Variants in ADAD1 observed in about 807,000 individuals in gnomAD.
The protein encoded by ADAD1 is adenosine deaminase domain-containing protein 1.
Under a neutral mutation model 66.8 loss-of-function variants are expected in ADAD1, and 46 were observed. The observed-to-expected ratio is 0.69, with a 90% CI of 0.54 to 0.88. The LOEUF (loss-of-function observed/expected upper bound fraction) is 0.88. Ranked by LOEUF, ADAD1 falls within the 40% of genes least tolerant of loss-of-function variation. The pLI is 0.00. For synonymous variants in ADAD1, 248 were observed against 229.4 expected, an observed-to-expected ratio of 1.08 and a Z score of -0.73; for missense variants, 617 against 681.8, an observed-to-expected ratio of 0.91 and a Z score of 1.06.
intron 7 of ADAD1, among the ~76,000 whole-genome samples, chr4:122,403,725 G>A (rs989756349): frequency 2.6e-5 from 4 of 152,102 alleles, no homozygotes; most frequent in Non-Finnish European, 5.9e-5. Flanking sequence ...GGTTTCTCTG[G>A]CAGTGGATGG....
At chr4:122,413,057 T>C (rs1180341933) in intron 10 of ADAD1, among the ~76,000 whole-genome samples, 1 of 152,042 alleles carries the variant, frequency 6.6e-6, no homozygotes, top group Admixed American at 6.6e-5. Context: ...ACCGTCCAGC[T>C]GGATAAGGAA....
Position 122,402,635 on chromosome 4 carries a change from A to G in ADAD1, c.725-5273A>G, listed in dbSNP as rs114768411. Among the ~76,000 whole-genome samples the G allele has an allele frequency of 6.3e-3, 962 of 151,954 alleles. 10 individuals carry two copies. The highest frequency in any genetic ancestry group is 0.044 in the East Asian group (227 of 5,176). The stretch of plus-strand genomic sequence containing the variant: ...CTTCTTCCTCAAGAACACCATAGTT[A>G]TTATGTTTAGTCATTTAACATAATC... On this transcript the variant is annotated intron_variant, in intron 7 of 12. Transcript: ENST00000296513.
intron 3 of ADAD1, 94 bp downstream of exon 3, chr4:122,380,335 G>T (rs1794831949): frequency 6.3e-6 from 9 of 1,438,368 alleles, no homozygotes; most frequent in Non-Finnish European, 6.6e-6. Context: ...AAGGTTTCGT[G>T]GTTGTATAGA....
At chr4:122,425,630 A>C (rs1797197474) in intron 12 of ADAD1, among the ~76,000 whole-genome samples, 1 of 151,850 alleles carries the variant, frequency 6.6e-6, no homozygotes, top group African/African-American at 2.4e-5. Flanking sequence ...CAAAAATAAA[A>C]ATAATACAAA....
intron 12 of ADAD1, 114 bp downstream of exon 12, chr4:122,421,504 A>G: frequency 1.0e-6 from 1 of 999,508 alleles, no homozygotes; most frequent in Admixed American, 3.5e-5. Flanking sequence ...TGAATATAAG[A>G]TATTACCAGG....
intron 7 of ADAD1, among the ~76,000 whole-genome samples, chr4:122,404,542 CAG>C (rs1322161599): frequency 6.6e-6 from 1 of 152,164 alleles, no homozygotes; most frequent in East Asian, 1.9e-4. Context: ...AGCTGTCTCA[CAG>C]AGTTTGCAAT....
intron 12 of ADAD1, among the ~76,000 whole-genome samples, chr4:122,425,227 T>C (rs1797176310): frequency 6.6e-6 from 1 of 152,110 alleles, no homozygotes; most frequent in Admixed American, 6.5e-5. Context: ...GAAAACACTC[T>C]ACACAACAGC....
chr4:122,421,368 C>G lies in ADAD1; in HGVS notation c.1595C>G (p.Ala532Gly). ...AKEAKKELLE[A>G]GTYHAAKCMS... ...GAAGCTAAAAAAGAATTACTTGAAG[C>G]TGGTACATATCATGCAGCTAAGGTA... Residue 532 changes from alanine to glycine, a missense_variant, in exon 12 of 13, where the codon GCT becomes GGT. Physicochemically the swap from Ala to Gly is moderately conservative, Grantham distance 60. Transcript: ENST00000296513. The G allele has an allele frequency of 6.3e-7, 1 of 1,599,512 alleles. No individual in the cohort carries two copies. The highest frequency in any genetic ancestry group is 1.1e-5 in the South Asian group (1 of 89,096).
At chr4:122,422,474 G>T (rs1797047100) in intron 12 of ADAD1, among the ~76,000 whole-genome samples, 1 of 152,072 alleles carries the variant, frequency 6.6e-6, no homozygotes, top group African/African-American at 2.4e-5. Context: ...AATGTAAATT[G>T]TTTTGCTATC....
intron 5 of ADAD1, among the ~76,000 whole-genome samples, chr4:122,391,717 T>G (rs1207593427): frequency 6.6e-6 from 1 of 152,184 alleles, no homozygotes; most frequent in African/African-American, 2.4e-5. Context: ...GTTTGTTTTT[T>G]GTTTTTTGTT....
chr4:122,394,576 GC>G (rs1197376758), intron 6 of ADAD1, among the ~76,000 whole-genome samples: 1 of 152,164 alleles, frequency 6.6e-6, no homozygotes, highest in Non-Finnish European at 1.5e-5. Context: ...GGGAAAATAG[GC>G]CCATTCAAAA....
intron 7 of ADAD1, among the ~76,000 whole-genome samples, chr4:122,405,219 A>G (rs1043275397): frequency 1.3e-5 from 2 of 152,188 alleles, no homozygotes; most frequent in Non-Finnish European, 2.9e-5. Context: ...TGAATAATAT[A>G]TCTTTGCTTT....
At position 122,401,152 on chromosome 4, in the gene ADAD1, C is replaced by T. The variant is rs541559101; in HGVS notation, c.724+4775C>T. On this transcript the variant is annotated intron_variant, in intron 7 of 12. Coordinates refer to ENST00000296513, the MANE Select transcript of ADAD1 (RefSeq NM_139243.4). ...TAGGCATTTAATGCTATGAACTTCC[C>T]GCTTAGCACCCCTTTTGCTGTATCC... is the stretch of plus-strand genomic sequence containing the variant. 8.5e-5 allele frequency among the ~76,000 whole-genome samples: 13 copies of T among 152,162 alleles called. No individual in the cohort carries two copies. In the South Asian group the frequency reaches 1.2e-3, roughly 15 times the overall value.
chr4:122,393,985 A>G (rs1354430624), intron 6 of ADAD1, among the ~76,000 whole-genome samples: 1 of 152,088 alleles, frequency 6.6e-6, no homozygotes, highest in Non-Finnish European at 1.5e-5. Flanking sequence ...AGGTCATTTG[A>G]CACATTCATT....
Position 122,412,616 on chromosome 4 carries a change from C to T in ADAD1, c.1056C>T (p.Ala352=), listed in dbSNP as rs181616254. ...CACATTCTATATCTGCATTTGAAGC[C>T]AATGAAGAACTCTGTCTCCACGTGG... ...LNPHSISAFE[A]NEELCLHVAV... The change falls in exon 10 of 13, where the codon GCC becomes GCT. Residue 352 remains alanine (A), a synonymous_variant. Coordinates refer to ENST00000296513, the MANE Select transcript of ADAD1 (RefSeq NM_139243.4). 1.2e-6 allele frequency: 2 copies of T among 1,613,750 alleles called. No individual in the cohort carries two copies. Among genetic ancestry groups the T allele is most frequent in the Non-Finnish European group, 1.7e-6 (2 of 1,179,732 alleles).
At chr4:122,408,783 T>A (rs1796339089) in intron 8 of ADAD1, among the ~76,000 whole-genome samples, 1 of 151,740 alleles carries the variant, frequency 6.6e-6, no homozygotes, top group Non-Finnish European at 1.5e-5. Context: ...CTTTGGAGAA[T>A]GAGGTGGGAG....
chr4:122,380,115 T>G lies in ADAD1; in HGVS notation c.46T>G (p.Phe16Val). 6.2e-7 allele frequency: 1 copy of G among 1,614,124 alleles called. No individual in the cohort carries two copies. The highest frequency in any genetic ancestry group is 8.5e-7 in the Non-Finnish European group (1 of 1,180,024). Residue 16 changes from phenylalanine to valine, a missense_variant, in exon 3 of 13, where the codon TTT becomes GTT. Coordinates refer to ENST00000296513, the MANE Select transcript of ADAD1 (RefSeq NM_139243.4). ...HWFQSSQVPSFAQMLKKNLPV... is the reference protein window; with the variant it reads ...HWFQSSQVPSVAQMLKKNLPV... ...GTTTCAGAGTTCGCAGGTCCCCAGCTTTGCCCAGATGCTGAAAAAGAACCT... is the reference window on the plus strand; with the variant it reads ...GTTTCAGAGTTCGCAGGTCCCCAGCGTTGCCCAGATGCTGAAAAAGAACCT...
At chr4:122,423,606 G>T (rs1455771121) in intron 12 of ADAD1, among the ~76,000 whole-genome samples, 1 of 151,778 alleles carries the variant, frequency 6.6e-6, no homozygotes. Flanking sequence ...AAAAAAATTT[G>T]AAAAAGAAAA....
intron 12 of ADAD1, among the ~76,000 whole-genome samples, chr4:122,428,185 T>C (rs1287747751): frequency 6.6e-6 from 1 of 152,040 alleles, no homozygotes; most frequent in Non-Finnish European, 1.5e-5. Context: ...AAATAAAATA[T>C]GAGAAAATAT....
Sources: gnomAD v4.1 joint callset for allele counts (sites outside exome capture counted in the v4.1 genomes callset) on GRCh38, gnomAD v4.1.1 for gene constraint, MANE v1.5 for transcripts, NCBI Gene and HGNC (gene_info 2026-07-23, HGNC 2026-07-21) for gene names.